DIPK1B: variants seen among roughly 807,000 people sequenced by gnomAD.
DIPK1B encodes the protein divergent protein kinase domain 1B.
A neutral mutation model predicts 20.7 loss-of-function variants in DIPK1B; 17 were observed. The ratio of observed to expected loss-of-function variants is 0.82; its 90% confidence interval spans 0.56 to 1.23. The LOEUF (loss-of-function observed/expected upper bound fraction) is 1.23. DIPK1B is among the 50% of genes most tolerant of loss of function. DIPK1B has a pLI of 0.00. For missense variants in DIPK1B, 648 were observed against 601.8 expected, an observed-to-expected ratio of 1.08 and a Z score of -0.80; for synonymous variants, 343 against 276.5, an observed-to-expected ratio of 1.24 and a Z score of -2.39.
intron 4 of DIPK1B, 128 bp downstream of exon 4, chr9:136,722,429 CCCAT>C: frequency 9.2e-7 from 1 of 1,091,584 alleles, no homozygotes; most frequent in East Asian, 2.6e-5. Context: ...GGGCAGACCT[CCCAT>C]CCCCCAGCCC....
intron 2 of DIPK1B, among the ~76,000 whole-genome samples, chr9:136,720,009 CTG>C (rs1846570890): frequency 6.9e-6 from 1 of 144,294 alleles, no homozygotes; most frequent in African/African-American, 2.7e-5. Context: ...GTTCAGGGGG[CTG>C]TGTGGTCTGG....
chr9:136,719,222 C>T (rs1325385704), intron 2 of DIPK1B, among the ~76,000 whole-genome samples: 6 of 152,236 alleles, frequency 3.9e-5, no homozygotes, highest in African/African-American at 1.4e-4. Flanking sequence ...GGTGCCGGGC[C>T]GCAAAGCAGG....
At chr9:136,721,891 C>G (rs367555435) in intron 2 of DIPK1B, 30 bp from the exon 3 acceptor site, 32 of 1,601,766 alleles carry the variant, frequency 2.0e-5, no homozygotes, top group Non-Finnish European at 2.6e-5. Context: ...GTGGCTGCCC[C>G]GCCCGGCACG....
At chr9:136,719,164 G>A (rs868270531) in intron 2 of DIPK1B, among the ~76,000 whole-genome samples, 1 of 151,932 alleles carries the variant, frequency 6.6e-6, no homozygotes, top group South Asian at 2.1e-4. Context: ...GGGCGGGTGG[G>A]GGTGAGCAGA....
chr9:136,722,984 C>G lies in DIPK1B; in HGVS notation c.506C>G (p.Ser169Cys), dbSNP rs759660841. ...CAGGCGAACCTGGGAGACCTGCCTT[C>G]CCTGCCGGCGCTGGTTGGCCAGGTC... is the stretch of plus-strand genomic sequence containing the variant. ...FLKANLGDLP[S>C]LPALVGQVLL... The change falls in exon 5 of 5, where the codon TCC becomes TGC. Residue 169 changes from serine to cysteine, a missense_variant. By Grantham distance (112) the Ser-to-Cys change is moderately radical (BLOSUM62 -1). Coordinates refer to ENST00000371692, the MANE Select transcript of DIPK1B (RefSeq NM_152421.4). 2 of 1,607,936 alleles carry G rather than the reference C, an allele frequency of 1.2e-6. No individual in the cohort carries two copies. Among genetic ancestry groups the G allele is most frequent in the East Asian group, 2.2e-5 (1 of 44,696 alleles).
chr9:136,722,971 G>A lies in DIPK1B; in HGVS notation c.493G>A (p.Gly165Arg), dbSNP rs1235769414. 6.2e-7 allele frequency: 1 copy of A among 1,604,344 alleles called. No individual in the cohort carries two copies. The highest frequency in any genetic ancestry group is 2.2e-5 in the East Asian group (1 of 44,608). Residue 165 changes from glycine to arginine, a missense_variant, in exon 5 of 5, where the codon GGA (glycine) becomes AGA (arginine). Gly to Arg is a moderately radical substitution (Grantham distance 125). Transcript: ENST00000371692. ...TGGTCCCAAACGCCAGGCGAACCTG[G>A]GAGACCTGCCTTCCCTGCCGGCGCT... Reference protein sequence around the residue: ...MTLSFLKANLGDLPSLPALVG... With the variant: ...MTLSFLKANLRDLPSLPALVG...
Position 136,712,868 on chromosome 9 carries a change from G to A in DIPK1B, c.63+140G>A. 2.5e-6 allele frequency: 1 copy of A among 404,336 alleles called. No homozygotes were observed. The highest frequency in any genetic ancestry group is 3.8e-6 in the Non-Finnish European group (1 of 260,250). The allele number at this position is 404,336 out of a possible 1,614,324, so 25.0% of individuals were successfully genotyped here. The stretch of plus-strand genomic sequence containing the variant: ...ATGAGCCCGGGGTGGGCAGCGGGGA[G>A]GGGGCGAGTGGCTCCGGAAGGACGG... On this transcript the variant is annotated intron_variant, in intron 1 of 4. Coordinates refer to ENST00000371692, the MANE Select transcript of DIPK1B (RefSeq NM_152421.4). This position sits in a 1 kb window ranked among gnomAD's most constrained non-coding sequence, Gnocchi z 5.6.
intron 1 of DIPK1B, among the ~76,000 whole-genome samples, chr9:136,716,264 CTTTT>C (rs71385760): frequency 1.0e-3 from 122 of 121,264 alleles, no homozygotes; most frequent in Non-Finnish European, 1.9e-3. Flanking sequence ...GAGTCTGTGT[CTTTT>C]TTTTTTTTTT....
chr9:136,721,564 C>A, intron 2 of DIPK1B: 1 of 287,308 alleles, frequency 3.5e-6, no homozygotes, highest in Non-Finnish European at 6.8e-6. Context: ...GCTGGGTCGG[C>A]TGGGCGGAGA....
chr9:136,721,799 G>T, intron 2 of DIPK1B, 122 bp from the exon 3 acceptor site: 1 of 818,746 alleles, frequency 1.2e-6, no homozygotes, highest in East Asian at 2.7e-5. Flanking sequence ...CCTGTGTGAG[G>T]GGCTGGCAGC....
At chr9:136,713,394 T>C (rs1322978468) in intron 1 of DIPK1B, among the ~76,000 whole-genome samples, 1 of 152,140 alleles carries the variant, frequency 6.6e-6, no homozygotes, top group African/African-American at 2.4e-5. Context: ...CCAGTCCTGG[T>C]CAGATTTGCC....
chr9:136,721,812 T>G (rs1361638385), intron 2 of DIPK1B, 109 bp from the exon 3 acceptor site: 1 of 942,926 alleles, frequency 1.1e-6, no homozygotes, highest in Non-Finnish European at 1.6e-6. Flanking sequence ...CTGGCAGCTT[T>G]CCAACTGCAG....
chr9:136,723,136 A>T lies in DIPK1B; in HGVS notation c.658A>T (p.Arg220Ter). 4 of 1,613,560 alleles carry T rather than the reference A, an allele frequency of 2.5e-6. No homozygotes were observed. Among genetic ancestry groups the T allele is most frequent in the Non-Finnish European group, 3.4e-6 (4 of 1,180,026 alleles). The change falls in exon 5 of 5, where the codon AGA becomes TGA. Residue 220 changes from arginine (R) to a stop codon, truncating the protein, a stop_gained. Transcript: ENST00000371692. LOFTEE classifies it low-confidence loss of function (END_TRUNC). ...CCTGCAGGAGAAGGAGCACGCCTCC[A>T]GACTGCTGGGCTACTGTGGGGACCT... The part of the protein sequence containing the change: ...LSLQEKEHAS[R>*]LLGYCGDLYL...
chr9:136,714,794 G>A (rs557645447), intron 1 of DIPK1B, among the ~76,000 whole-genome samples: 16 of 152,362 alleles, frequency 1.1e-4, no homozygotes, highest in African/African-American at 3.6e-4. Context: ...GCTACTGGAG[G>A]TCTGGGCCCT....
Position 136,712,694 on chromosome 9 carries a change from T to C in DIPK1B, c.29T>C (p.Leu10Pro). The C allele has an allele frequency of 7.4e-7, 1 of 1,345,602 alleles. No homozygotes were observed. The highest frequency in any genetic ancestry group is 9.5e-7 in the Non-Finnish European group (1 of 1,048,938). 83.4% of individuals were successfully genotyped at this position (1,345,602 alleles called of 1,614,324 possible). The change falls in exon 1 of 5, where the codon CTG (leucine) becomes CCG (proline). Residue 10 changes from leucine (L) to proline (P), a missense_variant. By Grantham distance (98) the Leu-to-Pro change is moderately conservative. Transcript: ENST00000371692. This position sits in a 1 kb window ranked among gnomAD's most constrained non-coding sequence, Gnocchi z 5.6. ...CGGCGGCTGCGGCGCCTGGCGCACC[T>C]GGTGCTCTTCTGCCCCTTCTCCAAG... MRRLRRLAH[L>P]VLFCPFSKRL... is the part of the protein sequence containing the mutation.
At chr9:136,717,421 G>A (rs1200223180) in intron 1 of DIPK1B, among the ~76,000 whole-genome samples, 156 bp from the exon 2 acceptor site, 1 of 152,158 alleles carries the variant, frequency 6.6e-6, no homozygotes, top group East Asian at 1.9e-4. Context: ...GCTGAGCTGG[G>A]GGTGATTCTA....
chr9:136,717,736 G>T, intron 2 of DIPK1B, 25 bp downstream of exon 2: 1 of 1,609,454 alleles, frequency 6.2e-7, no homozygotes, highest in Non-Finnish European at 8.5e-7. Flanking sequence ...TGCGGGCTGG[G>T]GACTGGGCCG....
At chr9:136,716,240 G>A (rs375605640) in intron 1 of DIPK1B, among the ~76,000 whole-genome samples, 1 of 149,858 alleles carries the variant, frequency 6.7e-6, no homozygotes, top group African/African-American at 2.4e-5. Flanking sequence ...GGGCTGTTGT[G>A]AACATCGGTG....
chr9:136,713,207 C>T (rs1469375819), intron 1 of DIPK1B, among the ~76,000 whole-genome samples: 2 of 152,142 alleles, frequency 1.3e-5, no homozygotes, highest in Non-Finnish European at 2.9e-5. Flanking sequence ...CTCCAGGGGC[C>T]TGGCCGGGTC....
Sources: gnomAD v4.1 joint callset for allele counts (sites outside exome capture counted in the v4.1 genomes callset) on GRCh38, gnomAD v4.1.1 for gene constraint, Gnocchi (gnomAD v3.1) non-coding constraint, MANE v1.5 for transcripts, NCBI Gene and HGNC (gene_info 2026-07-23, HGNC 2026-07-21) for gene names.